Variants in NT5C3A observed in about 807,000 individuals in gnomAD.
NT5C3A encodes the protein 5'-nucleotidase, cytosolic IIIA, also known as cytosolic 5'-nucleotidase 3A.
In NT5C3A, 23 loss-of-function variants were observed where a neutral mutation model predicts 40.0. That is an observed-to-expected ratio of 0.58 (90% CI 0.41 to 0.81). The LOEUF (loss-of-function observed/expected upper bound fraction) is 0.81. NT5C3A is among the 40% of genes least tolerant of loss of function. The pLI, the probability that NT5C3A is intolerant of heterozygous loss-of-function variation, is 0.00. For missense variants in NT5C3A, 328 were observed against 403.0 expected (o/e 0.81, Z 1.59); for synonymous variants, 130 against 141.4 (o/e 0.92, Z 0.57).
chr7:33,029,338 T>TATG (rs1298117703), intron 1 of NT5C3A: 2 of 256,238 alleles, frequency 7.8e-6, no homozygotes, highest in Admixed American at 9.7e-5. Context: ...ATGCTAGGGA[T>TATG]ATGATGATGA....
intron 8 of NT5C3A, among the ~76,000 whole-genome samples, chr7:33,015,404 A>AG (rs1248254203): frequency 6.6e-6 from 1 of 152,112 alleles, no homozygotes; most frequent in East Asian, 1.9e-4. Flanking sequence ...CTCTAAAAAA[A>AG]ATTTAAAAAT....
At chr7:33,043,244 A>G (rs1182183270) in intron 1 of NT5C3A, among the ~76,000 whole-genome samples, 1 of 152,244 alleles carries the variant, frequency 6.6e-6, no homozygotes, top group East Asian at 1.9e-4. Flanking sequence ...GAAAAAAGTT[A>G]TAATATCTAC....
At chr7:33,059,015 C>T (rs148449164) in intron 1 of NT5C3A, among the ~76,000 whole-genome samples, 417 of 152,242 alleles carry the variant, frequency 2.7e-3, no homozygotes, top group African/African-American at 9.8e-3. Flanking sequence ...CTAATTCTGC[C>T]CCTTCTTTTG....
At chr7:33,039,769 A>C (rs1264267847) in intron 1 of NT5C3A, among the ~76,000 whole-genome samples, 2 of 152,060 alleles carry the variant, frequency 1.3e-5, no homozygotes, top group African/African-American at 4.8e-5. Context: ...AACAAAAATG[A>C]AACTAAATAG....
intron 1 of NT5C3A, among the ~76,000 whole-genome samples, chr7:33,048,159 G>A (rs887034295): frequency 1.4e-5 from 2 of 146,858 alleles, no homozygotes; most frequent in African/African-American, 5.1e-5. Context: ...TTCATTTATA[G>A]TATTGATACA....
Position 33,014,226 on chromosome 7 carries a change from A to T in NT5C3A, c.*504T>A. The T allele has an allele frequency of 2.2e-6, 1 of 454,536 alleles. No homozygotes were observed. Among genetic ancestry groups the T allele is most frequent in the Non-Finnish European group, 4.4e-6 (1 of 226,788 alleles). The allele number at this position is 454,536 out of a possible 1,614,324, so 28.2% of individuals were successfully genotyped here. A position where few individuals can be genotyped will look rare whatever the true frequency, so the allele number is the denominator to read the frequency against. ...TTGTAAACACCACCAGGTTTTTCCA[A>T]CACTAACTGCTAGTCTTTTCCAGTA... On this transcript the variant is annotated 3_prime_UTR_variant, in exon 9 of 9. Transcript: ENST00000610140.
chr7:33,060,369 CTTTTTTTT>C (rs3082829), intron 1 of NT5C3A, among the ~76,000 whole-genome samples: 1 of 78,474 alleles, frequency 1.3e-5, no homozygotes, highest in Non-Finnish European at 2.3e-5. Context: ...TGCTTTCCTT[CTTTTTTTT>C]TTTTTTTTTT....
chr7:33,055,527 C>T (rs1244052710), intron 1 of NT5C3A, among the ~76,000 whole-genome samples: 1 of 152,172 alleles, frequency 6.6e-6, no homozygotes, highest in East Asian at 1.9e-4. Context: ...CTCCAATTAT[C>T]TGTAAGCAGA....
chr7:33,026,504 G>A (rs1394184614), intron 2 of NT5C3A, among the ~76,000 whole-genome samples: 4 of 151,874 alleles, frequency 2.6e-5, no homozygotes, highest in Non-Finnish European at 5.9e-5. Context: ...ACAGGCATGC[G>A]CCACCAGGCC....
intron 1 of NT5C3A, among the ~76,000 whole-genome samples, chr7:33,038,498 CTTT>C (rs76288295): frequency 1.4e-5 from 2 of 139,424 alleles, no homozygotes; most frequent in Non-Finnish European, 3.1e-5. Flanking sequence ...ACTTTAGGAC[CTTT>C]TTTTTTTTTT....
chr7:33,045,164 G>A (rs1787094719), intron 1 of NT5C3A, among the ~76,000 whole-genome samples: 1 of 152,224 alleles, frequency 6.6e-6, no homozygotes, highest in African/African-American at 2.4e-5. Context: ...AGTAGAAGAT[G>A]AGATGCAATA....
chr7:33,021,927 T>C, intron 4 of NT5C3A, 126 bp downstream of exon 4: 1 of 692,504 alleles, frequency 1.4e-6, no homozygotes, highest in South Asian at 1.6e-5. Context: ...GAGTGCTTAC[T>C]ATGTGCCAGG....
At chr7:33,062,216 C>T (rs1787805944) in intron 1 of NT5C3A, among the ~76,000 whole-genome samples, 1 of 152,170 alleles carries the variant, frequency 6.6e-6, no homozygotes, top group Admixed American at 6.6e-5. Context: ...GCCACCTGCC[C>T]AGGACATGCA....
intron 1 of NT5C3A, among the ~76,000 whole-genome samples, chr7:33,030,294 G>A (rs1017040951): frequency 7.2e-5 from 11 of 152,132 alleles, no homozygotes; most frequent in Admixed American, 2.0e-4. Context: ...GGTGGTTGTT[G>A]TTGAACATGC....
At chr7:33,030,072 C>T (rs975176414) in intron 1 of NT5C3A, among the ~76,000 whole-genome samples, 2 of 152,120 alleles carry the variant, frequency 1.3e-5, no homozygotes, top group African/African-American at 4.8e-5. Flanking sequence ...ATATAGTATA[C>T]TATACTCCTC....
chr7:33,023,989 A>C (rs756486245), intron 3 of NT5C3A, 50 bp downstream of exon 3: 1 of 1,107,320 alleles, frequency 9.0e-7, no homozygotes, highest in African/African-American at 1.5e-5. Context: ...GAGGATCTTA[A>C]AATAATGATG....
At chr7:33,020,153 T>C (rs547800448) in intron 5 of NT5C3A, among the ~76,000 whole-genome samples, 4 of 152,310 alleles carry the variant, frequency 2.6e-5, no homozygotes, top group Non-Finnish European at 5.9e-5. Flanking sequence ...AGAAAATCTT[T>C]GTTATGGCAA....
intron 1 of NT5C3A, among the ~76,000 whole-genome samples, chr7:33,041,635 C>T (rs1274382381): frequency 6.6e-6 from 1 of 151,850 alleles, no homozygotes; most frequent in Non-Finnish European, 1.5e-5. Context: ...TTTAATAAGA[C>T]CAGCCATAAA....
intron 4 of NT5C3A, chr7:33,021,814 T>C: frequency 2.0e-6 from 1 of 512,216 alleles, no homozygotes; most frequent in South Asian, 2.3e-5. Context: ...TTGGTAATCA[T>C]TTAAGAGTTT....
Sources: gnomAD v4.1 joint callset for allele counts (sites outside exome capture counted in the v4.1 genomes callset) on GRCh38, gnomAD v4.1.1 for gene constraint, MANE v1.5 for transcripts, NCBI Gene and HGNC (gene_info 2026-07-23, HGNC 2026-07-21) for gene names.